CEP120: variants seen among roughly 807,000 people sequenced by gnomAD.
The protein encoded by CEP120 is centrosomal protein of 120 kDa.
CEP120 carries 113 observed loss-of-function variants against 126.5 expected under a neutral mutation model. The observed-to-expected ratio is 0.89, with a 90% CI of 0.77 to 1.04. CEP120 has a LOEUF of 1.04. CEP120 is among the 50% of genes least tolerant of loss of function. The pLI is 0.00. For synonymous variants in CEP120, 400 were observed against 394.3 expected (o/e 1.01, Z -0.17); for missense variants, 1,230 against 1,155.7 (o/e 1.06, Z -0.93).
chr5:123,418,880 G>A (rs1034303447), intron 1 of CEP120, among the ~76,000 whole-genome samples: 2 of 152,122 alleles, frequency 1.3e-5, no homozygotes, highest in Non-Finnish European at 2.9e-5. Flanking sequence ...ACCATGCCCA[G>A]CCTAGCATGT....
chr5:123,379,432 T>TA (rs1771491478), intron 14 of CEP120, among the ~76,000 whole-genome samples: 1 of 152,078 alleles, frequency 6.6e-6, no homozygotes, highest in African/African-American at 2.4e-5. Flanking sequence ...AATCTTCATT[T>TA]AAAAAATTTC....
chr5:123,350,086 C>T lies in CEP120; in HGVS notation c.2584G>A (p.Glu862Lys). 6.2e-7 allele frequency: 1 copy of T among 1,609,226 alleles called. No individual in the cohort carries two copies. The highest frequency in any genetic ancestry group is 8.5e-7 in the Non-Finnish European group (1 of 1,178,440). The change falls in exon 19 of 20, where the codon GAG becomes AAG. Residue 862 changes from glutamate to lysine, a missense_variant. Physicochemically the swap from Glu to Lys is moderately conservative, Grantham distance 56. Transcript: ENST00000306467. The stretch of plus-strand genomic sequence containing the variant: ...AGACGAGCCATTTGACTTTCTTGCT[C>T]CCTCTTGAAAGAAACAAAGAAACAA... Reference protein sequence around the residue: ...LKELARLKQREQESQMARLKK... With the variant: ...LKELARLKQRKQESQMARLKK...
Position 123,390,100 on chromosome 5 carries a change from T to C in CEP120, c.1079A>G (p.Glu360Gly), listed in dbSNP as rs1772294708. ...ELKTQNEHEP[E>G]HSKKKVLTPI... Reference sequence around the variant, plus strand: ...GGTTAAAACTTTCTTCTTTGAATGCTCTGGCTCATGTTCATTCTGGGTCTT... The same window carrying C: ...GGTTAAAACTTTCTTCTTTGAATGCCCTGGCTCATGTTCATTCTGGGTCTT... The change falls in exon 8 of 20, where the codon GAG (glutamate) becomes GGG (glycine). Residue 360 changes from glutamate to glycine, a missense_variant. Coordinates refer to ENST00000306467, the MANE Select transcript of CEP120 (RefSeq NM_001375405.1). 4 of 1,613,946 alleles carry C rather than the reference T, an allele frequency of 2.5e-6. No homozygotes were observed. The African/African-American group carries it at 4.0e-5, about 16-fold the overall frequency.
intron 19 of CEP120, among the ~76,000 whole-genome samples, chr5:123,348,329 C>G (rs1040333296): frequency 6.6e-6 from 1 of 152,086 alleles, no homozygotes; most frequent in African/African-American, 2.4e-5. Context: ...TTTAACCCAC[C>G]AAAACAGTGC....
intron 8 of CEP120, among the ~76,000 whole-genome samples, chr5:123,389,653 A>G (rs915554635): frequency 4.0e-5 from 6 of 150,386 alleles, no homozygotes; most frequent in African/African-American, 1.5e-4. Flanking sequence ...GGCATGCACC[A>G]CCACGCCTGG....
At position 123,386,667 on chromosome 5, in the gene CEP120, C is replaced by G; in HGVS notation, c.1431G>C (p.Arg477Ser). 1.6e-6 allele frequency: 1 copy of G among 634,734 alleles called. No individual in the cohort carries two copies. Among genetic ancestry groups the G allele is most frequent in the Non-Finnish European group, 2.3e-6 (1 of 441,920 alleles). The allele number at this position is 634,734 out of a possible 1,614,324, so 39.3% of individuals were successfully genotyped here. A position where few individuals can be genotyped will look rare whatever the true frequency, so the allele number is the denominator to read the frequency against. Residue 477 changes from arginine to serine, a missense_variant and splice_region_variant, in exon 10 of 20, where the codon AGG becomes AGC. Arg to Ser is a moderately radical substitution (Grantham distance 110). Transcript: ENST00000306467. ...EIGFPINCIL[R>S]YSYPFFGSAA... ...CACTTCCAAAGAATGGATATGAGTA[C>G]CTAGAATTTAAAAAAAAAAAAAAAA...
intron 16 of CEP120, among the ~76,000 whole-genome samples, chr5:123,373,508 G>A (rs1009072020): frequency 1.4e-4 from 21 of 152,044 alleles, no homozygotes; most frequent in African/African-American, 5.1e-4. Flanking sequence ...GCATAAAGAA[G>A]AGCTGGCAAG....
intron 5 of CEP120, among the ~76,000 whole-genome samples, chr5:123,397,855 G>A (rs1234672788): frequency 1.3e-5 from 2 of 152,192 alleles, no homozygotes; most frequent in African/African-American, 4.8e-5. Flanking sequence ...AGGCTGAGGT[G>A]GGATGATCAT....
At chr5:123,413,549 C>T (rs1774203287) in intron 3 of CEP120, among the ~76,000 whole-genome samples, 1 of 152,064 alleles carries the variant, frequency 6.6e-6, no homozygotes, top group African/African-American at 2.4e-5. Flanking sequence ...GGGCAGGAAC[C>T]ACTGATCAGT....
Position 123,393,301 on chromosome 5 carries a change from T to G in CEP120, c.809A>C (p.Gln270Pro). 1 of 1,614,012 alleles carries G rather than the reference T, an allele frequency of 6.2e-7. No individual in the cohort carries two copies. ...AAAACGATTTGCTGCAATACTCACC[T>G]GCAGTTTAGACTGAAGAGCCAGGTA... ...RVYLALQSKL[Q>P]IHLCCGDQSL... is the part of the protein sequence containing the mutation. The change falls in exon 6 of 20, where the codon CAG becomes CCG. Residue 270 changes from glutamine (Q) to proline (P), a missense_variant and splice_region_variant. Transcript: ENST00000306467.
chr5:123,399,246 C>T lies in CEP120; in HGVS notation c.502G>A (p.Val168Met). Residue 168 changes from valine to methionine, a missense_variant, in exon 5 of 20, where the codon GTG becomes ATG. Transcript: ENST00000306467. ...ILAGLDPRDI[V>M]AVLNEEGGYH... ...CCTCCCTCTTCATTCAGCACAGCCACAATGTCCCTGGGGTCAAGTCCAGCC... is the reference window on the plus strand; with the variant it reads ...CCTCCCTCTTCATTCAGCACAGCCATAATGTCCCTGGGGTCAAGTCCAGCC... 6.2e-7 allele frequency: 1 copy of T among 1,614,168 alleles called. No homozygotes were observed. The highest frequency in any genetic ancestry group is 8.5e-7 in the Non-Finnish European group (1 of 1,180,012).
chr5:123,409,947 T>C, intron 4 of CEP120, among the ~76,000 whole-genome samples: 1 of 122,156 alleles, frequency 8.2e-6, no homozygotes, highest in African/African-American at 3.2e-5. Flanking sequence ...CAGAGTGAGA[T>C]CCTGTCTCAA....
At chr5:123,378,020 A>G (rs986057552) in intron 15 of CEP120, among the ~76,000 whole-genome samples, 1 of 152,174 alleles carries the variant, frequency 6.6e-6, no homozygotes, top group African/African-American at 2.4e-5. Context: ...TGTCTAAAAG[A>G]CAATTTTCAT....
chr5:123,370,039 G>A (rs1056224651), intron 17 of CEP120, among the ~76,000 whole-genome samples: 2 of 151,968 alleles, frequency 1.3e-5, no homozygotes, highest in African/African-American at 2.4e-5. Context: ...AAAATTCTGA[G>A]TAGCATACAT....
intron 4 of CEP120, 127 bp downstream of exon 4, chr5:123,412,272 T>C (rs2127126389): frequency 1.3e-6 from 1 of 783,804 alleles, no homozygotes; most frequent in Non-Finnish European, 1.9e-6. Flanking sequence ...TGTGTAACAA[T>C]GTCACAATAT....
intron 18 of CEP120, among the ~76,000 whole-genome samples, chr5:123,355,748 T>C (rs1375329737): frequency 6.6e-6 from 1 of 151,914 alleles, no homozygotes; most frequent in African/African-American, 2.4e-5. Flanking sequence ...TTCACTCTGA[T>C]GGTAGTTTCT....
At chr5:123,357,000 A>T (rs1002565671) in intron 18 of CEP120, among the ~76,000 whole-genome samples, 8 of 152,060 alleles carry the variant, frequency 5.3e-5, no homozygotes, top group Non-Finnish European at 1.0e-4. Context: ...AATTCTGCCA[A>T]TTTTTGTCAG....
At chr5:123,352,745 A>T (rs1031430907) in intron 18 of CEP120, among the ~76,000 whole-genome samples, 1 of 152,034 alleles carries the variant, frequency 6.6e-6, no homozygotes, top group Admixed American at 6.6e-5. Context: ...GATTATATTG[A>T]ATCCACAGAT....
At chr5:123,400,081 T>C (rs1459695215) in intron 4 of CEP120, among the ~76,000 whole-genome samples, 3 of 152,212 alleles carry the variant, frequency 2.0e-5, no homozygotes, top group African/African-American at 4.8e-5. Flanking sequence ...TATCAGGGCC[T>C]ATCAAAATTT....
Sources: gnomAD v4.1 joint callset for allele counts (sites outside exome capture counted in the v4.1 genomes callset) on GRCh38, gnomAD v4.1.1 for gene constraint, MANE v1.5 for transcripts, NCBI Gene and HGNC (gene_info 2026-07-23, HGNC 2026-07-21) for gene names.